Variants in GPHN observed in about 807,000 individuals in gnomAD.
GPHN encodes the protein gephyrin.
GPHN carries 17 observed loss-of-function variants against 95.5 expected under a neutral mutation model. The ratio of observed to expected loss-of-function variants is 0.18; its 90% CI spans 0.12 to 0.27. The LOEUF (loss-of-function observed/expected upper bound fraction) is 0.27. GPHN is among the 10% of genes least tolerant of loss of function. GPHN has a pLI of 1.00. For synonymous variants in GPHN, 320 were observed against 322.5 expected, an observed-to-expected ratio of 0.99 and a Z score of 0.08; for missense variants, 660 against 978.1, an observed-to-expected ratio of 0.67 and a Z score of 4.34.
chr14:67,426,536 G>C, the GPHN span, among the ~76,000 whole-genome samples: 2 of 152,160 alleles, frequency 1.3e-5, no homozygotes. Context: ...GTAGGCTGCC[G>C]GGTTCGGGGG....
chr14:66,891,419 G>A (rs150982125), intron 5 of GPHN, among the ~76,000 whole-genome samples: 68 of 152,230 alleles, frequency 4.5e-4, no homozygotes, highest in African/African-American at 1.5e-3. Flanking sequence ...TCAACGAATG[G>A]TGTTGGGAAA....
At chr14:67,138,811 T>C (rs922703568) in intron 17 of GPHN, among the ~76,000 whole-genome samples, 1 of 151,252 alleles carries the variant, frequency 6.6e-6, no homozygotes, top group South Asian at 2.1e-4. Flanking sequence ...CACAGAGTGA[T>C]AGTAAAATGT....
In GPHN at chr14:67,144,236, T is replaced by TAA. The variant is rs1216565518; in HGVS notation, c.1836+801_1836+802dup. 9.9e-3 allele frequency among the ~76,000 whole-genome samples: 535 copies of TAA among 54,030 alleles called. 15 individuals carry two copies. Among genetic ancestry groups the TAA allele is most frequent in the African/African-American group, 0.028 (213 of 7,550 alleles). 35.4% of individuals were successfully genotyped at this position (54,030 alleles called of 152,430 possible). On this transcript the variant is annotated intron_variant, in intron 18 of 22. Transcript: ENST00000478722. ...TGGGCAACACAGCAAGACCCTGTCT[T>TAA]AAAAAAAAAAAAAAATATATATATA...
At chr14:67,052,226 A>G (rs760184465) in intron 10 of GPHN, among the ~76,000 whole-genome samples, 9 of 152,206 alleles carry the variant, frequency 5.9e-5, no homozygotes, top group South Asian at 2.1e-4. Context: ...CTCATGTGCA[A>G]AGACACACAT....
the GPHN span, chr14:67,292,529 C>T: frequency 6.2e-7 from 1 of 1,611,014 alleles, no homozygotes; most frequent in Non-Finnish European, 8.5e-7. Context: ...GACTTGTTTT[C>T]TTCACTTAAA....
At chr14:66,658,971 C>T in intron 1 of GPHN, among the ~76,000 whole-genome samples, 1 of 148,768 alleles carries the variant, frequency 6.7e-6, no homozygotes, top group Non-Finnish European at 1.5e-5. Context: ...TTATTATTTC[C>T]TTCTTTCTGC....
At chr14:67,480,158 A>G in the GPHN span, among the ~76,000 whole-genome samples, 1 of 152,170 alleles carries the variant, frequency 6.6e-6, no homozygotes, top group Admixed American at 6.5e-5. Context: ...TCTGGCACAG[A>G]GCCAGACCTC....
At chr14:67,263,884 T>C in the GPHN span, among the ~76,000 whole-genome samples, 1 of 152,172 alleles carries the variant, frequency 6.6e-6, no homozygotes, top group Non-Finnish European at 1.5e-5. Context: ...AAAATAGGGG[T>C]AGTAATTCTT....
chr14:67,444,335 A>G, the GPHN span, among the ~76,000 whole-genome samples: 1 of 152,196 alleles, frequency 6.6e-6, no homozygotes. Context: ...TTTGGAGTTC[A>G]CAGAAAGGAG....
At chr14:67,493,916 G>T in the GPHN span, among the ~76,000 whole-genome samples, 1 of 151,534 alleles carries the variant, frequency 6.6e-6, no homozygotes, top group Non-Finnish European at 1.5e-5. Context: ...TTTTTTAATT[G>T]AAGGATGAGA....
chr14:66,685,012 T>C (rs1300438955), intron 2 of GPHN, among the ~76,000 whole-genome samples: 1 of 152,236 alleles, frequency 6.6e-6, no homozygotes, highest in South Asian at 2.1e-4. Flanking sequence ...TGTTTTTTTG[T>C]ACTTGGGATG....
the GPHN span, among the ~76,000 whole-genome samples, chr14:67,313,318 A>G: frequency 1.3e-5 from 2 of 152,224 alleles, no homozygotes; most frequent in East Asian, 3.8e-4. Flanking sequence ...GTTCTGAGAA[A>G]TGTGCCATTA....
At chr14:67,418,697 G>A in the GPHN span, among the ~76,000 whole-genome samples, 14 of 152,208 alleles carry the variant, frequency 9.2e-5, 1 homozygote, top group South Asian at 2.5e-3. Context: ...GGGGGTAGAG[G>A]ATACTGTCAC....
chr14:66,803,782 G>C (rs573587362), intron 3 of GPHN, among the ~76,000 whole-genome samples: 1 of 151,572 alleles, frequency 6.6e-6, no homozygotes, highest in Non-Finnish European at 1.5e-5. Flanking sequence ...CCTATGTTTT[G>C]TAGTGTTTCT....
the GPHN span, among the ~76,000 whole-genome samples, chr14:67,426,565 A>AT: frequency 6.6e-6 from 1 of 151,896 alleles, no homozygotes; most frequent in African/African-American, 2.4e-5. Flanking sequence ...GATAATGTCT[A>AT]TTTTTTTGGT....
At chr14:66,916,502 G>GTT (rs755169347) in intron 6 of GPHN, among the ~76,000 whole-genome samples, 1,470 of 128,292 alleles carry the variant, frequency 0.011, 7 homozygotes, top group Non-Finnish European at 0.018. Context: ...TTTTGGTTTG[G>GTT]TTTTTTTTTT....
the GPHN span, among the ~76,000 whole-genome samples, chr14:67,277,088 T>G: frequency 6.6e-6 from 1 of 152,214 alleles, no homozygotes; most frequent in East Asian, 1.9e-4. Flanking sequence ...CCTACATAAT[T>G]TTTCTGCTTA....
At chr14:66,515,670 A>G (rs2058211842) in intron 1 of GPHN, among the ~76,000 whole-genome samples, 1 of 152,174 alleles carries the variant, frequency 6.6e-6, no homozygotes, top group African/African-American at 2.4e-5. Flanking sequence ...AGATAAGCAC[A>G]TTTTACCACA....
intron 8 of GPHN, among the ~76,000 whole-genome samples, chr14:66,945,484 G>A (rs2067695422): frequency 6.6e-6 from 1 of 152,130 alleles, no homozygotes; most frequent in Non-Finnish European, 1.5e-5. Flanking sequence ...AGAAAGTGTG[G>A]GAGGGGGTTG....
Sources: allele counts gnomAD v4.1 joint callset (sites outside exome capture counted in the v4.1 genomes callset), GRCh38; gene constraint gnomAD v4.1.1; transcripts MANE v1.5; gene names NCBI Gene and HGNC (gene_info 2026-07-23, HGNC 2026-07-21).